The following MTMR10 variants were observed in gnomAD, a reference collection of about 807,000 sequenced individuals.
MTMR10 encodes the protein myotubularin related protein 10, also known as myotubularin-related protein 10.
MTMR10 carries 56 observed loss-of-function variants against 88.1 expected under a neutral mutation model. The observed-to-expected ratio is 0.64, with a 90% CI of 0.51 to 0.79. MTMR10 has a LOEUF of 0.79. MTMR10 is among the 30% of genes least tolerant of loss of function. The pLI is 0.00. For synonymous variants in MTMR10, 380 were observed against 340.9 expected, an observed-to-expected ratio of 1.11 and a Z score of -1.26; for missense variants, 883 against 924.7, an observed-to-expected ratio of 0.95 and a Z score of 0.58.
At chr15:30,962,867 A>G (rs2063420970) in intron 6 of MTMR10, among the ~76,000 whole-genome samples, 1 of 152,216 alleles carries the variant, frequency 6.6e-6, no homozygotes, top group South Asian at 2.1e-4. Flanking sequence ...ACTTGACCAC[A>G]ACTAAAGAGA....
intron 14 of MTMR10, chr15:30,946,923 T>G (rs1459510626): frequency 3.1e-6 from 2 of 655,130 alleles, no homozygotes; most frequent in South Asian, 2.3e-5. Context: ...ACATTTACAT[T>G]AGAGTAAAAC....
chr15:30,981,400 A>G (rs777075646), intron 2 of MTMR10, among the ~76,000 whole-genome samples: 2 of 152,228 alleles, frequency 1.3e-5, no homozygotes, highest in Non-Finnish European at 2.9e-5. Flanking sequence ...ATAACCAATC[A>G]TGTTGATGTC....
intron 15 of MTMR10, chr15:30,942,668 G>T: frequency 2.0e-6 from 1 of 500,638 alleles, no homozygotes; most frequent in East Asian, 3.2e-5. Context: ...CAGGCTCAAA[G>T]CTGCAATCTG....
At chr15:30,928,818 A>G in the MTMR10 span, 38 of 978,048 alleles carry the variant, frequency 3.9e-5, no homozygotes, top group Non-Finnish European at 4.4e-5. Flanking sequence ...AATCTGAGTA[A>G]TAGAATTTAA....
intron 13 of MTMR10, 132 bp downstream of exon 13, chr15:30,948,166 ATTAG>A: frequency 1.4e-6 from 1 of 714,268 alleles, no homozygotes; most frequent in Non-Finnish European, 2.1e-6. Context: ...ACTCTAATCC[ATTAG>A]TTAGCTTTGG....
chr15:30,931,091 A>C, the MTMR10 span, among the ~76,000 whole-genome samples: 1 of 152,208 alleles, frequency 6.6e-6, no homozygotes, highest in Non-Finnish European at 1.5e-5. Flanking sequence ...CAAAGGATAA[A>C]TGCTTGAGGG....
At chr15:30,960,096 T>C (rs958478025) in intron 7 of MTMR10, among the ~76,000 whole-genome samples, 3 of 152,120 alleles carry the variant, frequency 2.0e-5, no homozygotes, top group African/African-American at 7.2e-5. Context: ...AGAAAGATGA[T>C]AGAATTAGAA....
intron 2 of MTMR10, among the ~76,000 whole-genome samples, chr15:30,985,525 C>T (rs965538134): frequency 1.3e-5 from 2 of 152,220 alleles, no homozygotes; most frequent in Non-Finnish European, 2.9e-5. Context: ...GCCTTGCTAG[C>T]TGTGTGACAC....
the MTMR10 span, chr15:30,922,268 CAG>C: frequency 3.7e-6 from 6 of 1,613,322 alleles, no homozygotes; most frequent in African/African-American, 4.0e-5. Flanking sequence ...CCTTTTGTCT[CAG>C]AGAATTTATT....
intron 5 of MTMR10, among the ~76,000 whole-genome samples, chr15:30,971,311 A>G (rs909442127): frequency 1.8e-4 from 27 of 152,298 alleles, no homozygotes; most frequent in African/African-American, 6.3e-4. Flanking sequence ...CAAAGCTGAT[A>G]ATCTTCTCTG....
intron 2 of MTMR10, among the ~76,000 whole-genome samples, chr15:30,980,313 C>A (rs1291600454): frequency 6.6e-6 from 1 of 152,208 alleles, no homozygotes; most frequent in African/African-American, 2.4e-5. Flanking sequence ...TGAGCTACAG[C>A]ACTCAGCAGA....
At chr15:30,935,750 A>G (rs1430338545), downstream of MTMR10, among the ~76,000 whole-genome samples, 4 of 151,840 alleles carry the variant, frequency 2.6e-5, no homozygotes, top group Non-Finnish European at 5.9e-5. Flanking sequence ...TCTCCGTGCA[A>G]TGAATTTTAT....
intron 14 of MTMR10, among the ~76,000 whole-genome samples, chr15:30,945,172 G>GA (rs1467495230): frequency 6.6e-6 from 1 of 152,134 alleles, no homozygotes; most frequent in African/African-American, 2.4e-5. Context: ...TGCCTGTGTG[G>GA]AAGGGGCTGA....
chr15:30,968,110 G>T, intron 5 of MTMR10, 100 bp from the exon 6 acceptor site: 1 of 784,848 alleles, frequency 1.3e-6, no homozygotes, highest in Non-Finnish European at 2.0e-6. Flanking sequence ...TTGGGGCAGT[G>T]ATTATAGATA....
At chr15:30,946,401 A>T (rs2063171791) in intron 14 of MTMR10, 1 of 251,580 alleles carries the variant, frequency 4.0e-6, no homozygotes, top group Non-Finnish European at 7.5e-6. Context: ...CCTGAGTGGA[A>T]CATGGGCCTA....
chr15:30,976,095 A>C (rs2959046), intron 3 of MTMR10, among the ~76,000 whole-genome samples: 2 of 150,256 alleles, frequency 1.3e-5, no homozygotes, highest in African/African-American at 2.5e-5. Context: ...GGAAAATAAC[A>C]CTAATTAGTT....
At chr15:30,945,885 C>T (rs901633694) in intron 14 of MTMR10, among the ~76,000 whole-genome samples, 4 of 152,186 alleles carry the variant, frequency 2.6e-5, no homozygotes, top group African/African-American at 9.7e-5. Flanking sequence ...GCCTCCTGGG[C>T]TTAAGCCATC....
intron 7 of MTMR10, 95 bp downstream of exon 7, chr15:30,960,786 C>A: frequency 1.5e-6 from 2 of 1,315,238 alleles, no homozygotes; most frequent in African/African-American, 1.5e-5. Flanking sequence ...TTCCATTAAC[C>A]ACAACTTGAA....
intron 6 of MTMR10, among the ~76,000 whole-genome samples, chr15:30,963,650 C>CAGAT (rs1293547873): frequency 6.8e-6 from 1 of 147,734 alleles, no homozygotes; most frequent in African/African-American, 2.5e-5. Flanking sequence ...AATAAATAGA[C>CAGAT]AGATAGATAG....
Sources: gnomAD v4.1 joint callset for allele counts (sites outside exome capture counted in the v4.1 genomes callset) on GRCh38, gnomAD v4.1.1 for gene constraint, MANE v1.5 for transcripts, NCBI Gene and HGNC (gene_info 2026-07-23, HGNC 2026-07-21) for gene names.